Variants in TANC2 observed in about 807,000 individuals in gnomAD.
TANC2 encodes protein TANC2.
TANC2 carries 26 observed loss-of-function variants against 210.5 expected under a neutral mutation model. The observed-to-expected ratio is 0.12, with a 90% CI of 0.09 to 0.17. The LOEUF is 0.17. TANC2 is among the 10% of genes least tolerant of loss of function. The probability of loss-of-function intolerance (pLI) is 1.00; values close to 1 mark genes in which losing one functional copy is unlikely to be tolerated. For missense variants in TANC2, 2,129 were observed against 2,608.9 expected (o/e 0.82, Z 4.01); for synonymous variants, 931 against 967.1 (o/e 0.96, Z 0.69).
chr17:63,222,261 G>A (rs1369108884), intron 7 of TANC2, among the ~76,000 whole-genome samples: 1 of 152,064 alleles, frequency 6.6e-6, no homozygotes, highest in Non-Finnish European at 1.5e-5. Context: ...CACCTTGGGG[G>A]TTAGAATTTC....
chr17:63,201,851 G>A (rs147402752), intron 7 of TANC2, among the ~76,000 whole-genome samples: 7 of 152,078 alleles, frequency 4.6e-5, no homozygotes, highest in African/African-American at 1.7e-4. Flanking sequence ...CAGGAGATAG[G>A]CCATCATCAT....
intron 5 of TANC2, among the ~76,000 whole-genome samples, chr17:63,181,039 A>G (rs905133253): frequency 6.6e-6 from 1 of 150,862 alleles, no homozygotes; most frequent in Non-Finnish European, 1.5e-5. Context: ...AAAAAAAAAA[A>G]AAAAAAAAAA....
At chr17:63,253,798 G>C (rs541669312) in intron 8 of TANC2, among the ~76,000 whole-genome samples, 3 of 151,864 alleles carry the variant, frequency 2.0e-5, no homozygotes, top group South Asian at 4.2e-4. Context: ...TTTTTGGTTT[G>C]AGGGTTTTTG....
intron 2 of TANC2, among the ~76,000 whole-genome samples, chr17:63,038,300 G>A (rs1252189578): frequency 2.6e-5 from 4 of 152,168 alleles, no homozygotes; most frequent in East Asian, 1.9e-4. Context: ...TCTTTGAACC[G>A]TTAGTATGGT....
At chr17:63,015,361 A>C (rs1457450062) in intron 2 of TANC2, among the ~76,000 whole-genome samples, 1 of 152,096 alleles carries the variant, frequency 6.6e-6, no homozygotes, top group Non-Finnish European at 1.5e-5. Flanking sequence ...GTACATGTGC[A>C]CAACGTGCAG....
At chr17:63,162,581 C>G (rs1359641072) in intron 5 of TANC2, among the ~76,000 whole-genome samples, 1 of 151,912 alleles carries the variant, frequency 6.6e-6, no homozygotes, top group African/African-American at 2.4e-5. Flanking sequence ...GAGTAGATGA[C>G]AAATGAGATA....
chr17:62,993,139 A>G (rs1262467690), intron 1 of TANC2, among the ~76,000 whole-genome samples: 1 of 152,202 alleles, frequency 6.6e-6, no homozygotes, highest in Non-Finnish European at 1.5e-5. Flanking sequence ...GGTAAAATTC[A>G]GGAAAATCTC....
At chr17:63,049,530 A>C (rs1422816286) in intron 2 of TANC2, among the ~76,000 whole-genome samples, 2 of 152,134 alleles carry the variant, frequency 1.3e-5, no homozygotes, top group Non-Finnish European at 2.9e-5. Flanking sequence ...TAGAGTGTTT[A>C]AAGTACAATG....
At chr17:63,275,854 C>G (rs182256782) in intron 9 of TANC2, among the ~76,000 whole-genome samples, 2 of 152,260 alleles carry the variant, frequency 1.3e-5, no homozygotes, top group African/African-American at 4.8e-5. Context: ...AAACTCTCAT[C>G]ATGACATCTA....
At chr17:63,396,982 A>C (rs2147215784) in intron 18 of TANC2, 1 of 152,324 alleles carries the variant, frequency 6.6e-6, no homozygotes, top group Middle Eastern at 3.4e-3. Flanking sequence ...TAATTAAAAA[A>C]AAAAAAAAGA....
intron 8 of TANC2, among the ~76,000 whole-genome samples, chr17:63,256,513 A>G (rs1047667401): frequency 1.3e-5 from 2 of 152,166 alleles, no homozygotes; most frequent in Admixed American, 6.5e-5. Flanking sequence ...GTGACCTAAC[A>G]TATGGTCTGC....
intron 8 of TANC2, among the ~76,000 whole-genome samples, chr17:63,265,686 A>C (rs2146257238): frequency 6.6e-6 from 1 of 152,298 alleles, no homozygotes; most frequent in South Asian, 2.1e-4. Context: ...GGAGAGGCCA[A>C]AAATTACCCA....
intron 10 of TANC2, among the ~76,000 whole-genome samples, chr17:63,314,926 G>C (rs1460381976): frequency 1.3e-5 from 2 of 152,172 alleles, no homozygotes; most frequent in Non-Finnish European, 2.9e-5. Context: ...CCGGCTGTGT[G>C]GTTGGACTGT....
At chr17:63,001,450 T>C (rs1598222384) in intron 1 of TANC2, among the ~76,000 whole-genome samples, 1 of 152,156 alleles carries the variant, frequency 6.6e-6, no homozygotes, top group Non-Finnish European at 1.5e-5. Context: ...TCAAGAAATG[T>C]TGAGAGCCTA....
chr17:63,204,082 G>A (rs906978466), intron 7 of TANC2, among the ~76,000 whole-genome samples: 2 of 151,970 alleles, frequency 1.3e-5, no homozygotes, highest in South Asian at 2.1e-4. Context: ...AATGCACATC[G>A]GTGTGTGGAT....
chr17:63,049,067 GAAATTCCC>G (rs2035483801), intron 2 of TANC2, among the ~76,000 whole-genome samples: 1 of 152,136 alleles, frequency 6.6e-6, no homozygotes, highest in Non-Finnish European at 1.5e-5. Flanking sequence ...TCAAGCAAGT[GAAATTCCC>G]AAATTCCCAA....
chr17:63,208,150 G>GT (rs947983152), intron 7 of TANC2, among the ~76,000 whole-genome samples: 4 of 151,568 alleles, frequency 2.6e-5, no homozygotes, highest in Non-Finnish European at 5.9e-5. Flanking sequence ...AAGTTTTTTT[G>GT]TTTTTTCCTT....
At chr17:63,125,989 T>A (rs1406991068) in intron 4 of TANC2, among the ~76,000 whole-genome samples, 1 of 152,194 alleles carries the variant, frequency 6.6e-6, no homozygotes, top group Non-Finnish European at 1.5e-5. Context: ...GCAAGTAACT[T>A]AACCTCTCCC....
chr17:63,286,763 C>T lies in TANC2; in HGVS notation c.1159+18890C>T, dbSNP rs545083419. ...CCACTTGGAGTTATCTCACAGTTCACTGATGCATTTTTATTTTGGAGGGTC... is the reference window on the plus strand; with the variant it reads ...CCACTTGGAGTTATCTCACAGTTCATTGATGCATTTTTATTTTGGAGGGTC... On this transcript the variant is annotated intron_variant, in intron 9 of 27. Coordinates refer to ENST00000689528, the Ensembl canonical transcript of TANC2. Among the ~76,000 whole-genome samples the T allele has an allele frequency of 3.3e-4, 51 of 152,270 alleles. No individual in the cohort carries two copies. In the South Asian group the frequency reaches 4.8e-3, roughly 14 times the overall value.
Sources: allele counts gnomAD v4.1 joint callset (sites outside exome capture counted in the v4.1 genomes callset), GRCh38; gene constraint gnomAD v4.1.1; transcripts MANE v1.5; gene names NCBI Gene and HGNC (gene_info 2026-07-23, HGNC 2026-07-21).